Variants in SEC22C observed in about 807,000 individuals in gnomAD.
SEC22C encodes the protein SEC22 homolog C, vesicle trafficking protein, also known as vesicle-trafficking protein SEC22c.
In SEC22C, 29 loss-of-function variants were observed where a neutral mutation model predicts 34.7. The ratio of observed to expected loss-of-function variants is 0.84; its 90% CI spans 0.62 to 1.14. The LOEUF is 1.14. SEC22C is among the 50% of genes most tolerant of loss of function. The pLI is 0.00. For synonymous variants in SEC22C, 117 were observed against 132.8 expected (o/e 0.88, Z 0.82); for missense variants, 337 against 369.0 (o/e 0.91, Z 0.71).
chr3:42,549,541 T>C lies in SEC22C; in HGVS notation c.*3707A>G. 1.0e-6 allele frequency: 1 copy of C among 974,298 alleles called. No homozygotes were observed. The highest frequency in any genetic ancestry group is 4.8e-5 in the South Asian group (1 of 20,744). 60.4% of individuals were successfully genotyped at this position (974,298 alleles called of 1,614,324 possible). ...GCCTGCTGGCTATTGTCTCTGACTCTGAGCTGTGCTGACCACCAAGTGTTA... is the reference window on the plus strand; with the variant it reads ...GCCTGCTGGCTATTGTCTCTGACTCCGAGCTGTGCTGACCACCAAGTGTTA... On this transcript the variant is annotated 3_prime_UTR_variant, in exon 7 of 7. Coordinates refer to ENST00000264454, the MANE Select transcript of SEC22C (RefSeq NM_032970.4).
intron 4 of SEC22C, among the ~76,000 whole-genome samples, chr3:42,559,177 T>G (rs1431657265): frequency 6.6e-6 from 1 of 152,212 alleles, no homozygotes; most frequent in East Asian, 1.9e-4. Flanking sequence ...ACACTTATAT[T>G]TCACACACAC....
intron 1 of SEC22C, chr3:42,594,969 G>C (rs890871278): frequency 6.5e-6 from 1 of 152,798 alleles, no homozygotes; most frequent in African/African-American, 2.4e-5. Context: ...AGATTGCTTT[G>C]AAATAAAGCT....
chr3:42,572,392 A>C (rs1397683904), intron 1 of SEC22C, among the ~76,000 whole-genome samples: 1 of 152,226 alleles, frequency 6.6e-6, no homozygotes, highest in African/African-American at 2.4e-5. Context: ...TGAAGAGCCT[A>C]GACTTCCACC....
At position 42,552,905 on chromosome 3, in the gene SEC22C, T is replaced by C. The variant is rs981473819; in HGVS notation, c.*343A>G. On this transcript the variant is annotated 3_prime_UTR_variant, in exon 7 of 7. Coordinates refer to ENST00000264454, the MANE Select transcript of SEC22C (RefSeq NM_032970.4). ...CTCTCAATGACTAAAACCAGTGTTATTGAATCAAGTGGTTTACTGTATCAT... is the reference window on the plus strand; with the variant it reads ...CTCTCAATGACTAAAACCAGTGTTACTGAATCAAGTGGTTTACTGTATCAT... 1.8e-5 allele frequency: 19 copies of C among 1,070,100 alleles called. No homozygotes were observed. In the Admixed American group the frequency reaches 4.5e-4, roughly 25 times the overall value. 66.3% of individuals were successfully genotyped at this position (1,070,100 alleles called of 1,614,324 possible). A position where few individuals can be genotyped will look rare whatever the true frequency, so the allele number is the denominator to read the frequency against.
intron 1 of SEC22C, among the ~76,000 whole-genome samples, chr3:42,591,773 G>C (rs1704856611): frequency 6.6e-6 from 1 of 152,174 alleles, no homozygotes; most frequent in African/African-American, 2.4e-5. Context: ...CATACAACGA[G>C]TACACTGCGG....
rs1382981522 is a variant in SEC22C, at chr3:42,551,440, C to G, written c.*1808G>C. 1 of 699,888 alleles carries G rather than the reference C, an allele frequency of 1.4e-6. No individual in the cohort carries two copies. Among genetic ancestry groups the G allele is most frequent in the African/African-American group, 1.9e-5 (1 of 51,466 alleles). The allele number at this position is 699,888 out of a possible 1,614,324, so 43.4% of individuals were successfully genotyped here. The stretch of plus-strand genomic sequence containing the variant: ...CATGGAAGCCTCAAACTCCTGGACT[C>G]AAGGGATCCTCCTGCCTCAGACTCC... On this transcript the variant is annotated 3_prime_UTR_variant, in exon 7 of 7. Coordinates refer to ENST00000264454, the MANE Select transcript of SEC22C (RefSeq NM_032970.4).
chr3:42,590,992 CG>C, intron 1 of SEC22C: 1 of 73,558 alleles, frequency 1.4e-5, no homozygotes, highest in Non-Finnish European at 2.2e-5. Flanking sequence ...GGCGGGCGGG[CG>C]GGCGGAGAGA....
chr3:42,584,104 T>C (rs1704529722), upstream of SEC22C, among the ~76,000 whole-genome samples: 1 of 152,200 alleles, frequency 6.6e-6, no homozygotes, highest in South Asian at 2.1e-4. Context: ...GTTCCCCTAA[T>C]AAATCCCCTC....
chr3:42,563,895 C>G (rs1452629456), intron 2 of SEC22C: 1 of 1,454,512 alleles, frequency 6.9e-7, no homozygotes, highest in Non-Finnish European at 9.1e-7. Flanking sequence ...TAGTCTTAAT[C>G]AATGACAGCC....
At chr3:42,567,342 T>C (rs1703314621) in intron 2 of SEC22C, among the ~76,000 whole-genome samples, 1 of 152,246 alleles carries the variant, frequency 6.6e-6, no homozygotes, top group African/African-American at 2.4e-5. Flanking sequence ...GCCTTGCCCC[T>C]GATGCCTCCA....
chr3:42,564,784 G>T (rs531507104), intron 2 of SEC22C, among the ~76,000 whole-genome samples: 4 of 152,120 alleles, frequency 2.6e-5, no homozygotes, highest in African/African-American at 9.6e-5. Context: ...TTGACACAGG[G>T]TCTCACTCTG....
intron 1 of SEC22C, among the ~76,000 whole-genome samples, chr3:42,595,703 T>C (rs1577378595): frequency 6.6e-6 from 1 of 152,240 alleles, no homozygotes; most frequent in East Asian, 1.9e-4. Context: ...GGGATTCTTG[T>C]AAGTATATCC....
chr3:42,568,275 G>C (rs1405648106), intron 2 of SEC22C, among the ~76,000 whole-genome samples: 1 of 151,376 alleles, frequency 6.6e-6, no homozygotes, highest in Admixed American at 6.6e-5. Flanking sequence ...TCTGAGTGAA[G>C]AAAAAACTAC....
At position 42,548,422 on chromosome 3, in the gene SEC22C, C is replaced by T. The variant is rs564715084; in HGVS notation, c.*4826G>A. 2.1e-5 allele frequency: 13 copies of T among 623,928 alleles called. No homozygotes were observed. The highest frequency in any genetic ancestry group is 1.4e-4 in the South Asian group (7 of 49,222). 38.6% of individuals were successfully genotyped at this position (623,928 alleles called of 1,614,324 possible). A position where few individuals can be genotyped will look rare whatever the true frequency, so the allele number is the denominator to read the frequency against. ...TGTTAATTTTACCCTAAATAAAAGGCGCTTGTGGGCAACAGCTCTGCCATC... is the reference window on the plus strand; with the variant it reads ...TGTTAATTTTACCCTAAATAAAAGGTGCTTGTGGGCAACAGCTCTGCCATC... On this transcript the variant is annotated 3_prime_UTR_variant, in exon 7 of 7. Transcript: ENST00000264454.
chr3:42,568,650 G>GAAA (rs56182942), intron 2 of SEC22C, among the ~76,000 whole-genome samples: 3 of 96,540 alleles, frequency 3.1e-5, no homozygotes, highest in African/African-American at 6.8e-5. Flanking sequence ...TGCCTCAAAA[G>GAAA]AAAAAAAAAA....
intron 1 of SEC22C, chr3:42,591,660 C>T: frequency 8.6e-7 from 1 of 1,163,298 alleles, no homozygotes; most frequent in Non-Finnish European, 1.3e-6. Flanking sequence ...CTGTGTGATG[C>T]GGTGCTTTCT....
chr3:42,582,444 G>C (rs1704447364), upstream of SEC22C: 1 of 152,382 alleles, frequency 6.6e-6, no homozygotes, highest in African/African-American at 2.4e-5. Context: ...GTCCGACCCA[G>C]GGGGACACAC....
In SEC22C at chr3:42,578,219, T is replaced by C. The variant is rs946828379; in HGVS notation, c.-28+3627A>G. On this transcript the variant is annotated intron_variant, in intron 1 of 6. Transcript: ENST00000264454. ...GCAGTATATTCATTCCATGGAATAC[T>C]ACTCAGCAAAGAAGAAGAATAAACT... 1.2e-4 allele frequency among the ~76,000 whole-genome samples: 19 copies of C among 152,198 alleles called. 1 individual carries two copies. Among genetic ancestry groups the C allele is most frequent in the Admixed American group, 6.5e-5 (1 of 15,278 alleles).
intron 1 of SEC22C, among the ~76,000 whole-genome samples, chr3:42,574,182 C>T (rs1025989659): frequency 6.6e-6 from 1 of 151,342 alleles, no homozygotes; most frequent in Non-Finnish European, 1.5e-5. Flanking sequence ...ACATGGAGGC[C>T]AAAAGGAAGT....
Sources: gnomAD v4.1 joint callset for allele counts (sites outside exome capture counted in the v4.1 genomes callset) on GRCh38, gnomAD v4.1.1 for gene constraint, MANE v1.5 for transcripts, NCBI Gene and HGNC (gene_info 2026-07-23, HGNC 2026-07-21) for gene names.